The following ACOXL variants were observed in gnomAD, a reference collection of about 807,000 sequenced individuals.
The protein encoded by ACOXL is acyl-coenzyme A oxidase-like protein.
Under a neutral mutation model 71.9 loss-of-function variants are expected in ACOXL, and 70 were observed. The observed-to-expected ratio is 0.97, with a 90% CI of 0.80 to 1.19. The LOEUF (loss-of-function observed/expected upper bound fraction) is 1.19. Ranked by LOEUF, ACOXL falls within the 50% of genes most tolerant of loss-of-function variation. The probability of loss-of-function intolerance (pLI) is 0.00; values close to 1 mark genes in which losing one functional copy is unlikely to be tolerated. For missense variants in ACOXL, 703 were observed against 736.3 expected (o/e 0.95, Z 0.52); for synonymous variants, 253 against 281.6 (o/e 0.90, Z 1.02).
At position 110,984,861 on chromosome 2, in the gene ACOXL, G is replaced by A. The variant is rs2062858952; in HGVS notation, c.1060-2247G>A. ...GCCTCTGGGCTCTGGGCAGTACATT[G>A]TCTGATGGCACAAGGATGGACACAC... On this transcript the variant is annotated intron_variant, in intron 12 of 17. Transcript: ENST00000439055. Among the ~76,000 whole-genome samples the A allele has an allele frequency of 2.0e-5, 3 of 152,218 alleles. No homozygotes were observed. The South Asian group carries it at 6.2e-4, about 32-fold the overall frequency.
intron 10 of ACOXL, among the ~76,000 whole-genome samples, chr2:110,854,259 G>A (rs1692975180): frequency 6.6e-6 from 1 of 152,136 alleles, no homozygotes; most frequent in African/African-American, 2.4e-5. Flanking sequence ...GTGGGTAGAG[G>A]ATATGATTAG....
chr2:110,976,566 G>T (rs571328965), intron 12 of ACOXL, among the ~76,000 whole-genome samples: 3 of 152,298 alleles, frequency 2.0e-5, no homozygotes, highest in Admixed American at 6.5e-5. Flanking sequence ...TGAACTGCAG[G>T]AAAGCATTCA....
intron 10 of ACOXL, among the ~76,000 whole-genome samples, chr2:110,846,798 T>C (rs1691944907): frequency 6.7e-6 from 1 of 150,328 alleles, no homozygotes. Context: ...GGGGGGGGTG[T>C]ATGTGTTTGT....
chr2:110,900,096 C>G (rs1460747897), intron 10 of ACOXL, among the ~76,000 whole-genome samples: 1 of 72,944 alleles, frequency 1.4e-5, no homozygotes, highest in African/African-American at 3.9e-5. Context: ...TACACACACA[C>G]ACACACACAC....
chr2:110,892,577 C>A (rs1407049105), intron 10 of ACOXL, among the ~76,000 whole-genome samples: 3 of 151,954 alleles, frequency 2.0e-5, no homozygotes, highest in Admixed American at 2.0e-4. Context: ...TATAATAGAC[C>A]CACCCCAGGA....
At chr2:110,799,152 A>G (rs1346231811) in intron 7 of ACOXL, 52 bp downstream of exon 7, 2 of 1,546,704 alleles carry the variant, frequency 1.3e-6, no homozygotes. Context: ...CCTGCTCCCC[A>G]CCTGACTCAA....
At chr2:110,778,632 A>G in intron 2 of ACOXL, among the ~76,000 whole-genome samples, 1 of 152,182 alleles carries the variant, frequency 6.6e-6, no homozygotes. Flanking sequence ...TTCTCTGTGA[A>G]GTGTGGACGA....
intron 1 of ACOXL, among the ~76,000 whole-genome samples, chr2:110,733,650 G>C (rs1186462337): frequency 6.6e-6 from 1 of 152,164 alleles, no homozygotes; most frequent in Non-Finnish European, 1.5e-5. Flanking sequence ...GGAAGGAGAT[G>C]GCTTGAGTGA....
At chr2:110,959,686 C>T (rs1252415576) in intron 12 of ACOXL, among the ~76,000 whole-genome samples, 1 of 152,124 alleles carries the variant, frequency 6.6e-6, no homozygotes, top group Non-Finnish European at 1.5e-5. Context: ...TACCTCCCCG[C>T]CACCCCCTGA....
intron 17 of ACOXL, among the ~76,000 whole-genome samples, chr2:111,116,321 T>G (rs1247807587): frequency 1.3e-5 from 2 of 152,244 alleles, no homozygotes; most frequent in African/African-American, 4.8e-5. Context: ...AACCACAGTG[T>G]GTGAAGAATG....
At chr2:110,930,326 C>A (rs2060433800) in intron 11 of ACOXL, among the ~76,000 whole-genome samples, 1 of 152,230 alleles carries the variant, frequency 6.6e-6, no homozygotes, top group Non-Finnish European at 1.5e-5. Flanking sequence ...CCTGTAGCCC[C>A]TTTGTTTTGG....
Position 111,064,855 on chromosome 2 carries a change from A to G in ACOXL, c.1440+15567A>G, listed in dbSNP as rs145136494. 4.7e-3 allele frequency among the ~76,000 whole-genome samples: 718 copies of G among 152,352 alleles called. 5 individuals are homozygous for G. Among genetic ancestry groups the G allele is most frequent in the African/African-American group, 0.016 (685 of 41,582 alleles). On this transcript the variant is annotated intron_variant, in intron 16 of 17. Coordinates refer to ENST00000439055, the MANE Select transcript of ACOXL (RefSeq NM_001142807.4). The stretch of plus-strand genomic sequence containing the variant: ...TACAAAATGCTAATGAAACAAATCA[A>G]CGTAGAGCTATAAAATGGAGAGATA...
chr2:110,733,455 G>C (rs1676444935), intron 1 of ACOXL, among the ~76,000 whole-genome samples: 1 of 152,134 alleles, frequency 6.6e-6, no homozygotes, highest in Non-Finnish European at 1.5e-5. Context: ...CTCGGCATTC[G>C]TGTCTCCTGT....
At chr2:110,832,394 C>T (rs375411174) in intron 9 of ACOXL, among the ~76,000 whole-genome samples, 90 of 151,828 alleles carry the variant, frequency 5.9e-4, no homozygotes, top group African/African-American at 2.1e-3. Context: ...AAAAATTAGC[C>T]GGGTGCGGTG....
chr2:110,808,276 A>G (rs1686910510), intron 9 of ACOXL, among the ~76,000 whole-genome samples: 2 of 152,134 alleles, frequency 1.3e-5, no homozygotes, highest in Non-Finnish European at 2.9e-5. Flanking sequence ...GCAGAGGTAA[A>G]TATTTTAGCT....
intron 11 of ACOXL, among the ~76,000 whole-genome samples, chr2:110,928,541 G>A (rs560412168): frequency 3.3e-5 from 5 of 152,246 alleles, no homozygotes; most frequent in African/African-American, 1.2e-4. Flanking sequence ...GATTCTAATA[G>A]CTTATTGCCA....
intron 10 of ACOXL, among the ~76,000 whole-genome samples, chr2:110,853,630 C>T (rs541296063): frequency 3.9e-5 from 6 of 152,196 alleles, no homozygotes; most frequent in African/African-American, 9.7e-5. Flanking sequence ...CCCTCCAAAA[C>T]GGAAGATCCC....
intron 9 of ACOXL, among the ~76,000 whole-genome samples, chr2:110,832,497 C>T (rs368158354): frequency 7.3e-4 from 108 of 148,830 alleles, no homozygotes; most frequent in African/African-American, 2.4e-3. Flanking sequence ...GAGATTGCGC[C>T]ACTGCAGTCC....
At chr2:110,886,383 T>TTTC (rs1553414149) in intron 10 of ACOXL, among the ~76,000 whole-genome samples, 52 of 149,984 alleles carry the variant, frequency 3.5e-4, no homozygotes, top group African/African-American at 5.6e-4. Context: ...TCTTTTTCTT[T>TTTC]TTTTTTTTTT....
Sources: allele counts gnomAD v4.1 joint callset (sites outside exome capture counted in the v4.1 genomes callset), GRCh38; gene constraint gnomAD v4.1.1; transcripts MANE v1.5; gene names NCBI Gene and HGNC (gene_info 2026-07-23, HGNC 2026-07-21).